MALRD1: variants seen among roughly 807,000 people sequenced by gnomAD.
The protein encoded by MALRD1 is MAM and LDL-receptor class A domain-containing protein 1.
In MALRD1, 247 loss-of-function variants were observed where a neutral mutation model predicts 242.1. The observed-to-expected ratio is 1.02, with a 90% CI of 0.92 to 1.13. MALRD1 has a LOEUF of 1.13. MALRD1 is among the 50% of genes most tolerant of loss of function. The pLI is 0.00. For synonymous variants in MALRD1, 995 were observed against 866.6 expected, an observed-to-expected ratio of 1.15 and a Z score of -2.60; for missense variants, 2,989 against 2,533.1, an observed-to-expected ratio of 1.18 and a Z score of -3.86.
intron 36 of MALRD1, among the ~76,000 whole-genome samples, chr10:19,633,063 C>G (rs1035896254): frequency 6.6e-6 from 1 of 152,046 alleles, no homozygotes; most frequent in African/African-American, 2.4e-5. Flanking sequence ...GAAACCCTGT[C>G]TCTACTAAAG....
At chr10:19,266,328 T>A (rs754619751) in intron 19 of MALRD1, among the ~76,000 whole-genome samples, 5 of 151,928 alleles carry the variant, frequency 3.3e-5, no homozygotes, top group Non-Finnish European at 7.4e-5. Context: ...GATTTGATGA[T>A]TTTTCTGTAG....
At chr10:19,651,269 C>A (rs1840873256) in intron 36 of MALRD1, among the ~76,000 whole-genome samples, 1 of 152,076 alleles carries the variant, frequency 6.6e-6, no homozygotes, top group African/African-American at 2.4e-5. Flanking sequence ...ACTGGAGCAT[C>A]CTTGAATATG....
intron 32 of MALRD1, among the ~76,000 whole-genome samples, chr10:19,560,729 A>G (rs7894533): frequency 0.072 from 11,030 of 152,170 alleles, 1,154 homozygotes; most frequent in African/African-American, 0.23. Context: ...ACCAAACAGC[A>G]CATGTTCTCA....
chr10:19,572,146 C>G (rs1421521847), intron 33 of MALRD1, among the ~76,000 whole-genome samples: 1 of 152,220 alleles, frequency 6.6e-6, no homozygotes, highest in Non-Finnish European at 1.5e-5. Flanking sequence ...ACTTCTCTGT[C>G]CTACCTTAAT....
At chr10:19,604,761 T>C (rs1838527227) in intron 34 of MALRD1, among the ~76,000 whole-genome samples, 1 of 152,196 alleles carries the variant, frequency 6.6e-6, no homozygotes, top group Admixed American at 6.5e-5. Context: ...AGTTATTATT[T>C]TTTTAGGCAT....
At chr10:19,145,718 A>G (rs1403684942) in intron 10 of MALRD1, among the ~76,000 whole-genome samples, 1 of 151,672 alleles carries the variant, frequency 6.6e-6, no homozygotes, top group Non-Finnish European at 1.5e-5. Flanking sequence ...TTTACCTGCA[A>G]TTCCAAAATG....
At chr10:19,292,197 G>C (rs1216179854) in intron 21 of MALRD1, among the ~76,000 whole-genome samples, 1 of 151,592 alleles carries the variant, frequency 6.6e-6, no homozygotes, top group Non-Finnish European at 1.5e-5. Flanking sequence ...TCATTTCAAG[G>C]CCCCCTTTGG....
At chr10:19,240,106 G>T (rs925179829) in intron 18 of MALRD1, among the ~76,000 whole-genome samples, 4 of 152,010 alleles carry the variant, frequency 2.6e-5, no homozygotes, top group African/African-American at 9.7e-5. Context: ...CATTTCAATA[G>T]TATCAGTTCT....
chr10:19,590,787 T>G (rs1178650841), intron 33 of MALRD1, among the ~76,000 whole-genome samples: 1 of 152,084 alleles, frequency 6.6e-6, no homozygotes, highest in Non-Finnish European at 1.5e-5. Flanking sequence ...GAAGAAAATT[T>G]CCCATATACT....
At chr10:19,539,318 A>G (rs750888781) in intron 32 of MALRD1, among the ~76,000 whole-genome samples, 2 of 152,134 alleles carry the variant, frequency 1.3e-5, no homozygotes, top group Admixed American at 6.6e-5. Flanking sequence ...CACATGGCCT[A>G]TCTCTACTCT....
intron 29 of MALRD1, among the ~76,000 whole-genome samples, chr10:19,460,220 A>G (rs781335766): frequency 6.6e-6 from 1 of 152,150 alleles, no homozygotes; most frequent in Non-Finnish European, 1.5e-5. Context: ...TAGTCCTGAA[A>G]TATCGGTACA....
At chr10:19,308,260 G>T (rs538843390) in intron 21 of MALRD1, among the ~76,000 whole-genome samples, 1 of 151,324 alleles carries the variant, frequency 6.6e-6, no homozygotes, top group East Asian at 2.0e-4. Context: ...ATTTTATATG[G>T]TGTGTAATGA....
intron 36 of MALRD1, 35 bp downstream of exon 36, chr10:19,615,958 T>A (rs933898662): frequency 2.0e-6 from 3 of 1,469,270 alleles, no homozygotes; most frequent in South Asian, 2.5e-5. Flanking sequence ...TTTTTAAGAT[T>A]TTTTGGAGTT....
intron 2 of MALRD1, among the ~76,000 whole-genome samples, chr10:19,067,182 A>G (rs12255711): frequency 0.023 from 3,458 of 152,264 alleles, 120 homozygotes; most frequent in African/African-American, 0.079. Context: ...ATTGTAAAAC[A>G]TAAATGGGAC....
intron 2 of MALRD1, among the ~76,000 whole-genome samples, chr10:19,071,027 C>G (rs1835131108): frequency 6.6e-6 from 1 of 151,062 alleles, no homozygotes; most frequent in Admixed American, 6.6e-5. Context: ...AATTTTTGTA[C>G]TTTTAGTAGA....
chr10:19,153,645 TGCTACTGCACTCTA>T (rs1834021529), intron 11 of MALRD1, among the ~76,000 whole-genome samples: 1 of 151,428 alleles, frequency 6.6e-6, no homozygotes, highest in African/African-American at 2.4e-5. Flanking sequence ...GCCATAATCA[TGCTACTGCACTCTA>T]GCCTAGGTGA....
chr10:19,189,694 C>T (rs192374799), intron 14 of MALRD1, among the ~76,000 whole-genome samples: 63 of 151,230 alleles, frequency 4.2e-4, no homozygotes, highest in Middle Eastern at 6.8e-3. Context: ...ATTAACAGAA[C>T]GAAGGAAAGA....
chr10:19,299,430 G>C (rs1416291739), intron 21 of MALRD1, among the ~76,000 whole-genome samples: 1 of 151,894 alleles, frequency 6.6e-6, no homozygotes, highest in African/African-American at 2.4e-5. Flanking sequence ...AAAGGACAAA[G>C]AAGCGCATTA....
At chr10:19,504,051 T>A (rs951511191) in intron 31 of MALRD1, among the ~76,000 whole-genome samples, 2 of 152,210 alleles carry the variant, frequency 1.3e-5, no homozygotes, top group African/African-American at 4.8e-5. Context: ...AATGCTCTCC[T>A]ATGTATAATA....
Sources: gnomAD v4.1 joint callset for allele counts (sites outside exome capture counted in the v4.1 genomes callset) on GRCh38, gnomAD v4.1.1 for gene constraint, MANE v1.5 for transcripts, NCBI Gene and HGNC (gene_info 2026-07-23, HGNC 2026-07-21) for gene names.